The following L3MBTL4 variants were observed in gnomAD, a reference collection of about 807,000 sequenced individuals.
L3MBTL4 encodes lethal(3)malignant brain tumor-like protein 4.
L3MBTL4 carries 70 observed loss-of-function variants against 84.5 expected under a neutral mutation model. The ratio of observed to expected loss-of-function variants is 0.83; its 90% CI spans 0.68 to 1.01. L3MBTL4 has a LOEUF of 1.01. Among genes scored for constraint, L3MBTL4 ranks in the 50% least tolerant of loss-of-function variants. The pLI is 0.00. For synonymous variants in L3MBTL4, 274 were observed against 259.8 expected, an observed-to-expected ratio of 1.05 and a Z score of -0.52; for missense variants, 715 against 754.8, an observed-to-expected ratio of 0.95 and a Z score of 0.62.
At chr18:6,321,019 G>C (rs2051375586) in intron 1 of L3MBTL4, among the ~76,000 whole-genome samples, 1 of 152,138 alleles carries the variant, frequency 6.6e-6, no homozygotes, top group African/African-American at 2.4e-5. Context: ...GGGAAAACTG[G>C]ATAGCCACAT....
chr18:6,048,609 C>A (rs2056724435), intron 16 of L3MBTL4, among the ~76,000 whole-genome samples: 1 of 151,964 alleles, frequency 6.6e-6, no homozygotes, highest in Non-Finnish European at 1.5e-5. Context: ...CCAGCCTGGC[C>A]AACATGATGA....
chr18:6,149,589 G>T (rs997654639), intron 13 of L3MBTL4, among the ~76,000 whole-genome samples: 1 of 152,002 alleles, frequency 6.6e-6, no homozygotes, highest in African/African-American at 2.4e-5. Flanking sequence ...GGGTCAAATG[G>T]TATTTCTAGT....
intron 1 of L3MBTL4, among the ~76,000 whole-genome samples, chr18:6,326,875 A>G (rs1290731791): frequency 1.3e-5 from 2 of 152,210 alleles, no homozygotes; most frequent in Non-Finnish European, 2.9e-5. Flanking sequence ...TACATTAAGC[A>G]TTGTATGTTC....
chr18:6,401,357 A>G (rs1879705348), intron 1 of L3MBTL4, among the ~76,000 whole-genome samples: 1 of 152,198 alleles, frequency 6.6e-6, no homozygotes, highest in Admixed American at 6.5e-5. Flanking sequence ...AATTTTGACT[A>G]GATGTCAAAA....
chr18:5,955,451 G>GC lies in L3MBTL4; in HGVS notation c.*768dup, dbSNP rs2095221698. The GC allele has an allele frequency of 6.6e-6, 1 of 152,290 alleles. No individual in the cohort carries two copies. Among genetic ancestry groups the GC allele is most frequent in the Non-Finnish European group, 1.5e-5 (1 of 68,130 alleles). 9.4% of individuals were successfully genotyped at this position (152,290 alleles called of 1,614,324 possible). On this transcript the variant is annotated 3_prime_UTR_variant, in exon 19 of 19. Coordinates refer to ENST00000317931, the MANE Select transcript of L3MBTL4 (RefSeq NM_001330559.2). ...GTGCAGGTGAGCGTCTGGCCCAGCA[G>GC]CCACACCAGTGTTAGGACAGGGTCC...
intron 13 of L3MBTL4, among the ~76,000 whole-genome samples, chr18:6,164,005 C>T (rs564454179): frequency 6.6e-6 from 1 of 152,320 alleles, no homozygotes; most frequent in Non-Finnish European, 1.5e-5. Flanking sequence ...TTCCAACAGG[C>T]TTAACAAACG....
At chr18:6,113,384 T>A (rs1201165246) in intron 14 of L3MBTL4, among the ~76,000 whole-genome samples, 1 of 150,402 alleles carries the variant, frequency 6.6e-6, no homozygotes, top group Non-Finnish European at 1.5e-5. Flanking sequence ...TTCAAAATAG[T>A]TTGAAAATGC....
At chr18:6,268,223 C>T (rs1427147038) in intron 4 of L3MBTL4, among the ~76,000 whole-genome samples, 10 of 151,990 alleles carry the variant, frequency 6.6e-5, no homozygotes, top group African/African-American at 1.5e-4. Flanking sequence ...CTGGCCAACA[C>T]GGTGAAACCC....
chr18:6,284,443 G>A (rs749159798), intron 4 of L3MBTL4, among the ~76,000 whole-genome samples: 1 of 152,154 alleles, frequency 6.6e-6, no homozygotes, highest in Non-Finnish European at 1.5e-5. Flanking sequence ...AGCCAAAGAC[G>A]AGGCCAAGCA....
At chr18:6,005,128 G>C (rs1426963191) in intron 16 of L3MBTL4, among the ~76,000 whole-genome samples, 1 of 146,930 alleles carries the variant, frequency 6.8e-6, no homozygotes, top group East Asian at 2.1e-4. Flanking sequence ...TGGATAACTT[G>C]AAGTCAGGGG....
At chr18:6,027,334 C>A (rs1042909865) in intron 16 of L3MBTL4, among the ~76,000 whole-genome samples, 1 of 152,130 alleles carries the variant, frequency 6.6e-6, no homozygotes. Context: ...TGGCTTCCAG[C>A]TTCATGCATG....
Position 6,010,153 on chromosome 18 carries a change from A to G in L3MBTL4, c.1445-40591T>C, listed in dbSNP as rs578228507. ...AAGTGTTTTTTTTTTAAGGTGGTAA[A>G]CTGAAAGTAATACATTTCTGATTAA... On this transcript the variant is annotated intron_variant, in intron 16 of 18. Transcript: ENST00000317931. 4.0e-4 allele frequency among the ~76,000 whole-genome samples: 61 copies of G among 152,094 alleles called. 1 individual carries two copies. Among genetic ancestry groups the G allele is most frequent in the Non-Finnish European group, 1.9e-4 (13 of 68,014 alleles).
intron 1 of L3MBTL4, among the ~76,000 whole-genome samples, chr18:6,343,890 G>C (rs1274773658): frequency 1.3e-5 from 2 of 151,268 alleles, no homozygotes; most frequent in Admixed American, 6.6e-5. Flanking sequence ...AAAACTTATG[G>C]GAGGCAGCAA....
intron 5 of L3MBTL4, among the ~76,000 whole-genome samples, chr18:6,246,782 T>C (rs778397035): frequency 4.6e-5 from 7 of 152,104 alleles, no homozygotes; most frequent in Non-Finnish European, 1.0e-4. Flanking sequence ...TGTGTGCCTG[T>C]AATCCCAGCT....
chr18:6,299,047 G>A (rs555331788), intron 4 of L3MBTL4, among the ~76,000 whole-genome samples: 1 of 152,200 alleles, frequency 6.6e-6, no homozygotes, highest in Non-Finnish European at 1.5e-5. Context: ...AAACGTAAAG[G>A]CATATAGGTC....
Position 6,378,555 on chromosome 18 carries a change from A to G in L3MBTL4, c.-91+36246T>C, listed in dbSNP as rs548872651. On this transcript the variant is annotated intron_variant, in intron 1 of 18. Transcript: ENST00000317931. ...TGCATATGGCTAGCCAGTTTTCCCA[A>G]CACCATTTATTAAATAGGGAATCCT... Among the ~76,000 whole-genome samples the G allele has an allele frequency of 2.8e-3, 432 of 152,156 alleles. 3 individuals carry two copies. Among genetic ancestry groups the G allele is most frequent in the Non-Finnish European group, 3.5e-3 (239 of 67,990 alleles).
chr18:6,406,004 C>T (rs182740649), intron 1 of L3MBTL4, among the ~76,000 whole-genome samples: 4 of 146,178 alleles, frequency 2.7e-5, no homozygotes, highest in African/African-American at 9.8e-5. Flanking sequence ...TGAATGTACT[C>T]TTACTTAGCA....
intron 1 of L3MBTL4, among the ~76,000 whole-genome samples, chr18:6,322,585 G>A (rs2051483482): frequency 1.3e-5 from 2 of 151,712 alleles, no homozygotes; most frequent in Non-Finnish European, 2.9e-5. Flanking sequence ...ACTCATAAGG[G>A]CCAAGATTTG....
intron 4 of L3MBTL4, among the ~76,000 whole-genome samples, chr18:6,286,841 C>T (rs960751297): frequency 2.0e-5 from 3 of 152,116 alleles, no homozygotes; most frequent in African/African-American, 4.8e-5. Flanking sequence ...ATCTGGGAGT[C>T]GGCTGTGAAG....
Sources: allele counts gnomAD v4.1 joint callset (sites outside exome capture counted in the v4.1 genomes callset), GRCh38; gene constraint gnomAD v4.1.1; transcripts MANE v1.5; gene names NCBI Gene and HGNC (gene_info 2026-07-23, HGNC 2026-07-21).